Variants in LRP1B observed in about 807,000 individuals in gnomAD.
The protein encoded by LRP1B is low-density lipoprotein receptor-related protein 1B.
LRP1B carries 217 observed loss-of-function variants against 556.6 expected under a neutral mutation model. The ratio of observed to expected loss-of-function variants is 0.39; its 90% confidence interval spans 0.35 to 0.44. The LOEUF is 0.44. Among genes scored for constraint, LRP1B ranks in the 20% least tolerant of loss-of-function variants. LRP1B has a pLI of 1.00. For missense variants in LRP1B, 5,053 were observed against 5,620.8 expected (o/e 0.90, Z 3.23); for synonymous variants, 2,047 against 1,865.8 (o/e 1.10, Z -2.50).
chr2:140,254,034 T>C (rs1681567614), intron 86 of LRP1B, among the ~76,000 whole-genome samples: 2 of 152,162 alleles, frequency 1.3e-5, no homozygotes, highest in African/African-American at 4.8e-5. Context: ...AAATATCTTA[T>C]GTTTTAGCTC....
At chr2:140,958,912 G>A (rs2105312100) in intron 18 of LRP1B, among the ~76,000 whole-genome samples, 1 of 151,724 alleles carries the variant, frequency 6.6e-6, no homozygotes, top group East Asian at 1.9e-4. Context: ...TGAGGGTTAG[G>A]TAGAGACAGA....
At position 141,670,860 on chromosome 2, in the gene LRP1B, CTCTG is replaced by C. The variant is rs972379203; in HGVS notation, c.205+139415_205+139418del. On this transcript the variant is annotated intron_variant, in intron 2 of 90. Transcript: ENST00000389484. ...CAAATTTGCCATATTCTGCTTAAAA[CTCTG>C]TCTGAGAACATCTGGAGTGGTACAA... 4.6e-5 allele frequency among the ~76,000 whole-genome samples: 7 copies of C among 152,104 alleles called. No individual in the cohort carries two copies. In the East Asian group the frequency reaches 5.8e-4, roughly 13 times the overall value.
intron 18 of LRP1B, among the ~76,000 whole-genome samples, chr2:140,967,273 G>T (rs1696256950): frequency 6.6e-6 from 1 of 151,454 alleles, no homozygotes; most frequent in Admixed American, 6.6e-5. Flanking sequence ...CTTGTAAGTT[G>T]GTTTCCTAGG....
intron 7 of LRP1B, among the ~76,000 whole-genome samples, chr2:141,176,130 C>G (rs1239362724): frequency 6.6e-6 from 1 of 152,076 alleles, no homozygotes; most frequent in South Asian, 2.1e-4. Context: ...GCAGAAGGGA[C>G]TTTCCTTGTC....
At chr2:140,720,529 A>C (rs16844600) in intron 35 of LRP1B, among the ~76,000 whole-genome samples, 1 of 152,102 alleles carries the variant, frequency 6.6e-6, no homozygotes, top group South Asian at 2.1e-4. Flanking sequence ...TATCTGTAAA[A>C]CAAGGAAAGA....
chr2:140,755,136 T>A (rs1688703748), intron 35 of LRP1B, among the ~76,000 whole-genome samples: 1 of 152,002 alleles, frequency 6.6e-6, no homozygotes, highest in Admixed American at 6.6e-5. Context: ...ATGAAACATA[T>A]GAACAGATCT....
chr2:141,239,343 A>G (rs1683777932), intron 5 of LRP1B, among the ~76,000 whole-genome samples: 1 of 152,134 alleles, frequency 6.6e-6, no homozygotes, highest in Admixed American at 6.6e-5. Flanking sequence ...GAAGGCGATT[A>G]AAGAGCAGAG....
In LRP1B at chr2:141,783,082, C is replaced by A. The variant is rs79438315; in HGVS notation, c.205+27197G>T. Among the ~76,000 whole-genome samples, 5 of 152,182 alleles carry A rather than the reference C, an allele frequency of 3.3e-5. No individual in the cohort carries two copies. In the East Asian group the frequency reaches 9.7e-4, roughly 29 times the overall value. On this transcript the variant is annotated intron_variant, in intron 2 of 90. Coordinates refer to ENST00000389484, the MANE Select transcript of LRP1B (RefSeq NM_018557.3). ...TTCACTTAGATATTCAACAAATATT[C>A]ATTGGGCATTGCTTATGTGTTAGGA...
At chr2:140,462,953 A>T (rs1687383267) in intron 60 of LRP1B, among the ~76,000 whole-genome samples, 1 of 152,204 alleles carries the variant, frequency 6.6e-6, no homozygotes, top group Admixed American at 6.5e-5. Context: ...GAAGAATAAG[A>T]GCACAATGAG....
At position 141,431,855 on chromosome 2, in the gene LRP1B, T is replaced by C. The variant is rs149366238; in HGVS notation, c.343+48541A>G. ...GTCTGAACTCATCTGTAAGTTCAAGTAGTTTGTGGATTTCTTAAGATTTAC... is the reference window on the plus strand; with the variant it reads ...GTCTGAACTCATCTGTAAGTTCAAGCAGTTTGTGGATTTCTTAAGATTTAC... On this transcript the variant is annotated intron_variant, in intron 3 of 90. Coordinates refer to ENST00000389484, the MANE Select transcript of LRP1B (RefSeq NM_018557.3). Among the ~76,000 whole-genome samples, 5 of 152,274 alleles carry C rather than the reference T, an allele frequency of 3.3e-5. No individual in the cohort carries two copies. The South Asian group carries it at 6.2e-4, about 19-fold the overall frequency.
rs546752164 is a variant in LRP1B, at chr2:141,177,370, C to T, written c.1013+11051G>A. ...AGTTGCTACCACAAGTACAATACCG[C>T]TTTAATAAAAAACTAAACCATCTAA... On this transcript the variant is annotated intron_variant, in intron 7 of 90. Transcript: ENST00000389484. Among the ~76,000 whole-genome samples, 14 of 152,118 alleles carry T rather than the reference C, an allele frequency of 9.2e-5. No individual in the cohort carries two copies. The South Asian group carries it at 2.7e-3, about 29-fold the overall frequency.
At chr2:141,772,614 T>G (rs1236387749) in intron 2 of LRP1B, among the ~76,000 whole-genome samples, 1 of 152,192 alleles carries the variant, frequency 6.6e-6, no homozygotes, top group Non-Finnish European at 1.5e-5. Flanking sequence ...AATCACTGCT[T>G]CAGAGGGATT....
chr2:141,842,509 T>A (rs77242559), intron 1 of LRP1B, among the ~76,000 whole-genome samples: 2,975 of 152,256 alleles, frequency 0.02, 78 homozygotes, highest in African/African-American at 0.067. Flanking sequence ...ATGCCTGCTT[T>A]ACATGGTAAT....
chr2:140,386,049 A>G, intron 66 of LRP1B, 40 bp from the exon 67 acceptor site: 1 of 1,273,424 alleles, frequency 7.9e-7, no homozygotes, highest in Non-Finnish European at 1.1e-6. Flanking sequence ...GTAGATTTCC[A>G]TGAAGACATC....
rs113516731 is a variant in LRP1B, at chr2:141,831,623, C to T, written c.83-21222G>A. On this transcript the variant is annotated intron_variant, in intron 1 of 90. Coordinates refer to ENST00000389484, the MANE Select transcript of LRP1B (RefSeq NM_018557.3). Reference sequence around the variant, plus strand: ...AAAGAAGCTGAAATAATAATTAAAACATTGGAATCAGACATTTGGGGCATT... The same window carrying T: ...AAAGAAGCTGAAATAATAATTAAAATATTGGAATCAGACATTTGGGGCATT... Among the ~76,000 whole-genome samples the T allele has an allele frequency of 8.0e-3, 1,208 of 151,610 alleles. 24 individuals are homozygous for T. Among genetic ancestry groups the T allele is most frequent in the African/African-American group, 0.027 (1,121 of 41,440 alleles).
chr2:141,665,627 C>A (rs1228080189), intron 2 of LRP1B, among the ~76,000 whole-genome samples: 1 of 152,146 alleles, frequency 6.6e-6, no homozygotes, highest in African/African-American at 2.4e-5. Flanking sequence ...TACATGCATT[C>A]ATATGTTCAT....
At chr2:140,582,288 T>C (rs1384549585) in intron 43 of LRP1B, among the ~76,000 whole-genome samples, 1 of 152,188 alleles carries the variant, frequency 6.6e-6, no homozygotes, top group Admixed American at 6.5e-5. Context: ...TTAATTGTTC[T>C]CAGATTGGGG....
intron 35 of LRP1B, among the ~76,000 whole-genome samples, chr2:140,719,741 A>G (rs1290222350): frequency 6.6e-6 from 1 of 152,094 alleles, no homozygotes; most frequent in Non-Finnish European, 1.5e-5. Context: ...ATTTTCTCGT[A>G]TCCTTTCTAT....
intron 2 of LRP1B, among the ~76,000 whole-genome samples, chr2:141,535,777 G>A (rs907940890): frequency 3.9e-5 from 6 of 151,944 alleles, no homozygotes; most frequent in African/African-American, 1.4e-4. Context: ...GGCCTATGAA[G>A]GTTAATGACC....
Sources: gnomAD v4.1 joint callset for allele counts (sites outside exome capture counted in the v4.1 genomes callset) on GRCh38, gnomAD v4.1.1 for gene constraint, MANE v1.5 for transcripts, NCBI Gene and HGNC (gene_info 2026-07-23, HGNC 2026-07-21) for gene names.